Variants in ERGIC1 observed in about 807,000 individuals in gnomAD.
The protein encoded by ERGIC1 is endoplasmic reticulum-Golgi intermediate compartment protein 1.
In ERGIC1, 19 loss-of-function variants were observed where a neutral mutation model predicts 38.3. The observed-to-expected ratio is 0.50, with a 90% CI of 0.35 to 0.73. ERGIC1 has a LOEUF of 0.73. ERGIC1 is among the 30% of genes least tolerant of loss of function. The pLI, the probability that ERGIC1 is intolerant of heterozygous loss-of-function variation, is 0.01. For missense variants in ERGIC1, 294 were observed against 389.2 expected, an observed-to-expected ratio of 0.76 and a Z score of 2.06; for synonymous variants, 124 against 157.6, an observed-to-expected ratio of 0.79 and a Z score of 1.60.
chr5:172,891,415 T>C (rs1187794754), intron 2 of ERGIC1, among the ~76,000 whole-genome samples: 1 of 152,068 alleles, frequency 6.6e-6, no homozygotes, highest in Non-Finnish European at 1.5e-5. Context: ...TGTGTATTTT[T>C]CTAGAGTTTT....
intron 1 of ERGIC1, among the ~76,000 whole-genome samples, chr5:172,853,225 G>A (rs1157099284): frequency 2.0e-5 from 3 of 152,216 alleles, no homozygotes; most frequent in African/African-American, 7.2e-5. Context: ...CCCAGTGACT[G>A]GTGAGCGGCT....
At chr5:172,887,078 G>A (rs956332759) in intron 1 of ERGIC1, among the ~76,000 whole-genome samples, 6 of 152,184 alleles carry the variant, frequency 3.9e-5, no homozygotes, top group African/African-American at 1.4e-4. Context: ...GAGGTCTTAG[G>A]AAACTGAGCA....
chr5:172,908,982 TTTTAGTG>T (rs1268679051), intron 3 of ERGIC1, among the ~76,000 whole-genome samples: 2 of 152,064 alleles, frequency 1.3e-5, no homozygotes, highest in East Asian at 1.9e-4. Context: ...CTATTTCTCA[TTTTAGTG>T]TTCAAACCAC....
chr5:172,890,815 C>T (rs1172060143), intron 2 of ERGIC1, among the ~76,000 whole-genome samples: 5 of 150,084 alleles, frequency 3.3e-5, no homozygotes, highest in Non-Finnish European at 3.0e-5. Context: ...GGTCCTGGGC[C>T]GGGCAGTCGG....
At chr5:172,942,088 C>T (rs1764022343) in intron 9 of ERGIC1, among the ~76,000 whole-genome samples, 1 of 152,154 alleles carries the variant, frequency 6.6e-6, no homozygotes, top group African/African-American at 2.4e-5. Context: ...TTAATCTCAA[C>T]TACGTGGGAC....
intron 1 of ERGIC1, among the ~76,000 whole-genome samples, chr5:172,843,636 G>T (rs189848289): frequency 1.3e-3 from 201 of 152,330 alleles, no homozygotes; most frequent in African/African-American, 4.5e-3. Context: ...GTATGTAGCG[G>T]TCCAACCCTG....
rs1386606978 is a variant in ERGIC1, at chr5:172,834,398, C to G, written c.-16C>G. On this transcript the variant is annotated 5_prime_UTR_variant, in exon 1 of 10. Transcript: ENST00000393784. This position sits in a 1 kb window ranked among gnomAD's most constrained non-coding sequence, Gnocchi z 4.1. ...CCCGCCTGGCCTGCAGCGCTCCCAC[C>G]CCCGGCGGCGGCACGATGCCCTTTG... 6.0e-6 allele frequency: 8 copies of G among 1,324,870 alleles called. No individual in the cohort carries two copies. The East Asian group carries it at 2.2e-4, about 36-fold the overall frequency. 82.1% of individuals were successfully genotyped at this position (1,324,870 alleles called of 1,614,324 possible). A position where few individuals can be genotyped will look rare whatever the true frequency, so the allele number is the denominator to read the frequency against.
rs1308001313 is a variant in ERGIC1 at position 172,837,959 on chromosome 5, G to T, written c.20+3526G>T. On this transcript the variant is annotated intron_variant, in intron 1 of 9. Transcript: ENST00000393784. The surrounding 1 kb of genome is among the most constrained non-coding windows in gnomAD (Gnocchi z 4.3). ...GGAAGCCCTGTGCCCAGGCCCAGTG[G>T]TGCCTGAGCACTGCCTTCCGGGAGG... 5.3e-5 allele frequency among the ~76,000 whole-genome samples: 8 copies of T among 152,168 alleles called. 1 individual carries two copies. The highest frequency in any genetic ancestry group is 2.0e-4 in the Admixed American group (3 of 15,278).
intron 5 of ERGIC1, among the ~76,000 whole-genome samples, chr5:172,919,908 C>A (rs1003689927): frequency 6.6e-6 from 1 of 152,212 alleles, no homozygotes; most frequent in Non-Finnish European, 1.5e-5. Flanking sequence ...ATGGCTGCCA[C>A]GTACTAGGTT....
At chr5:172,862,757 G>A (rs903886629) in intron 1 of ERGIC1, among the ~76,000 whole-genome samples, 1 of 152,178 alleles carries the variant, frequency 6.6e-6, no homozygotes, top group African/African-American at 2.4e-5. Context: ...TACTCCTACT[G>A]TTATATGCTT....
In ERGIC1 at chr5:172,893,935, G is replaced by GTGTGTGTGTGTGTATATA. The variant is rs1429850022; in HGVS notation, c.83-3066_83-3065insGTGTGTGTGTGTATATAT. On this transcript the variant is annotated intron_variant, in intron 2 of 9. Coordinates refer to ENST00000393784, the MANE Select transcript of ERGIC1 (RefSeq NM_001031711.3). ...TGTGTGTGTGTGTGTGTGTGTGTGTGTATATATATATATATATATTTAAAT... is the reference window on the plus strand; with the variant it reads ...TGTGTGTGTGTGTGTGTGTGTGTGTGTGTGTGTGTGTGTATATATATATATATATATATATATTTAAAT... 2.1e-3 allele frequency among the ~76,000 whole-genome samples: 89 copies of GTGTGTGTGTGTGTATATA among 42,768 alleles called. 1 individual carries two copies. The highest frequency in any genetic ancestry group is 3.4e-3 in the Non-Finnish European group (74 of 21,708). 28.1% of individuals were successfully genotyped at this position (42,768 alleles called of 152,430 possible).
At chr5:172,906,119 C>T in intron 3 of ERGIC1, 1 of 456,276 alleles carries the variant, frequency 2.2e-6, no homozygotes, top group South Asian at 1.5e-5. Flanking sequence ...TCTCTCCCTC[C>T]AGCTCCTTTG....
intron 1 of ERGIC1, among the ~76,000 whole-genome samples, chr5:172,872,552 C>G (rs559949404): frequency 6.6e-6 from 1 of 152,162 alleles, no homozygotes; most frequent in Non-Finnish European, 1.5e-5. Flanking sequence ...TGGTAGCTCA[C>G]ACCCGTAATC....
chr5:172,913,128 G>C (rs1426826000), intron 4 of ERGIC1, among the ~76,000 whole-genome samples: 2 of 152,238 alleles, frequency 1.3e-5, no homozygotes, highest in African/African-American at 4.8e-5. Context: ...CTGAGGCACA[G>C]AGATTAGGTA....
At chr5:172,942,407 C>T (rs763539946) in intron 9 of ERGIC1, among the ~76,000 whole-genome samples, 1 of 152,086 alleles carries the variant, frequency 6.6e-6, no homozygotes, top group Non-Finnish European at 1.5e-5. Flanking sequence ...TCTCTCTTCC[C>T]TGGACCACAA....
At chr5:172,857,588 G>GGCCCC (rs1761582691) in intron 1 of ERGIC1, among the ~76,000 whole-genome samples, 7 of 132,706 alleles carry the variant, frequency 5.3e-5, no homozygotes, top group Admixed American at 2.5e-4. Context: ...TAATAATGGT[G>GGCCCC]CCCCCCCCAC....
chr5:172,903,221 G>T (rs1762929897), intron 3 of ERGIC1, among the ~76,000 whole-genome samples: 1 of 152,196 alleles, frequency 6.6e-6, no homozygotes, highest in Admixed American at 6.5e-5. Context: ...CTGAGGCTCA[G>T]GGAGCCCTCG....
At chr5:172,835,698 A>T (rs1247636428) in intron 1 of ERGIC1, among the ~76,000 whole-genome samples, 1 of 152,192 alleles carries the variant, frequency 6.6e-6, no homozygotes, top group Admixed American at 6.5e-5. Context: ...CATGGGATAT[A>T]TTGGGGTTTA....
chr5:172,899,311 CTTTTTTTT>C (rs34478179), intron 3 of ERGIC1, among the ~76,000 whole-genome samples: 2 of 82,854 alleles, frequency 2.4e-5, no homozygotes, highest in Admixed American at 1.4e-4. Flanking sequence ...GGAGTTACTT[CTTTTTTTT>C]TTTTTTTTTT....
Sources: gnomAD v4.1 joint callset for allele counts (sites outside exome capture counted in the v4.1 genomes callset) on GRCh38, gnomAD v4.1.1 for gene constraint, Gnocchi (gnomAD v3.1) non-coding constraint, MANE v1.5 for transcripts, NCBI Gene and HGNC (gene_info 2026-07-23, HGNC 2026-07-21) for gene names.